PCDHGA1: variants seen among roughly 807,000 people sequenced by gnomAD.
PCDHGA1 encodes the protein protocadherin gamma subfamily A, 1, also known as protocadherin gamma-A1.
PCDHGA1 carries 32 observed loss-of-function variants against 58.0 expected under a neutral mutation model. The ratio of observed to expected loss-of-function variants is 0.55; its 90% confidence interval spans 0.42 to 0.74. The LOEUF (loss-of-function observed/expected upper bound fraction) is 0.74. PCDHGA1 is among the 30% of genes least tolerant of loss of function. The pLI is 0.00. For synonymous variants in PCDHGA1, 498 were observed against 501.1 expected, an observed-to-expected ratio of 0.99 and a Z score of 0.08; for missense variants, 1,205 against 1,182.3, an observed-to-expected ratio of 1.02 and a Z score of -0.28.
In PCDHGA1 at chr5:141,356,293, GT is replaced by G. The variant is rs372920279; in HGVS notation, c.2421+23189del. ...CCAGGAATCTTCTTCCCCGGGTACAGTAATTGCACTTTTCAACGTGCATGAC... is the reference window on the plus strand; with the variant it reads ...CCAGGAATCTTCTTCCCCGGGTACAGAATTGCACTTTTCAACGTGCATGAC... On this transcript the variant is annotated intron_variant, in intron 1 of 3. Transcript: ENST00000517417. The G allele has an allele frequency of 3.3e-4, 508 of 1,555,440 alleles. 4 individuals carry two copies. The East Asian group carries it at 0.011, about 35-fold the overall frequency.
In PCDHGA1 at chr5:141,485,186, G is replaced by T; in HGVS notation, c.2422-9621G>T. ...GCGGGCGGCAGCAATGCTCCGCAAG[G>T]TGAGAAGCTGGACAGAAATCTGGCG... On this transcript the variant is annotated intron_variant, in intron 1 of 3. Coordinates refer to ENST00000517417, the MANE Select transcript of PCDHGA1 (RefSeq NM_018912.3). This position sits in a 1 kb window ranked among gnomAD's most constrained non-coding sequence, Gnocchi z 5.7. 1 of 1,613,706 alleles carries T rather than the reference G, an allele frequency of 6.2e-7. No individual in the cohort carries two copies. The highest frequency in any genetic ancestry group is 8.5e-7 in the Non-Finnish European group (1 of 1,179,644).
At chr5:141,396,934 G>A (rs1037377516) in intron 1 of PCDHGA1, among the ~76,000 whole-genome samples, 2 of 152,186 alleles carry the variant, frequency 1.3e-5, no homozygotes. Flanking sequence ...GATGAAAGTT[G>A]CCCTGGTAGG....
intron 1 of PCDHGA1, among the ~76,000 whole-genome samples, chr5:141,460,801 ATATGTATG>A (rs2098998171): frequency 6.6e-6 from 1 of 152,010 alleles, no homozygotes; most frequent in Non-Finnish European, 1.5e-5. Context: ...CAAAGTATAT[ATATGTATG>A]TATACATATA....
At chr5:141,356,117 G>A (rs1012623543) in intron 1 of PCDHGA1, 2 of 1,613,752 alleles carry the variant, frequency 1.2e-6, no homozygotes, top group Non-Finnish European at 1.7e-6. Flanking sequence ...ATATTGGGGG[G>A]TCTAGATTAT....
At chr5:141,371,868 G>C (rs755178809) in intron 1 of PCDHGA1, 2 of 1,613,510 alleles carry the variant, frequency 1.2e-6, no homozygotes, top group Non-Finnish European at 8.5e-7. Flanking sequence ...CTACTACATC[G>C]TGGCCAGTGA....
chr5:141,345,215 A>G (rs575059814), intron 1 of PCDHGA1: 2 of 1,614,020 alleles, frequency 1.2e-6, no homozygotes, highest in East Asian at 4.5e-5. Flanking sequence ...CATTTAAGTT[A>G]GAAAAATCAA....
At chr5:141,503,363 G>A (rs2099819478) in intron 2 of PCDHGA1, among the ~76,000 whole-genome samples, 2 of 152,132 alleles carry the variant, frequency 1.3e-5, no homozygotes, top group East Asian at 1.9e-4. Context: ...TTGGGAAGCG[G>A]AGGCAGGTGG....
In PCDHGA1 at chr5:141,490,823, A is replaced by T. The variant is rs1340589166; in HGVS notation, c.2422-3984A>T. ...CGTACCTTTGACTATGAATTGCTGC[A>T]GATGCTGCAGATTGTGGTGGGGGTT... On this transcript the variant is annotated intron_variant, in intron 1 of 3. Transcript: ENST00000517417. This position sits in a 1 kb window ranked among gnomAD's most constrained non-coding sequence, Gnocchi z 5.4. 13 of 1,613,928 alleles carry T rather than the reference A, an allele frequency of 8.1e-6. No individual in the cohort carries two copies. Among genetic ancestry groups the T allele is most frequent in the Non-Finnish European group, 9.3e-6 (11 of 1,179,864 alleles).
intron 1 of PCDHGA1, chr5:141,410,478 C>G (rs767257836): frequency 6.2e-7 from 1 of 1,613,992 alleles, no homozygotes; most frequent in Non-Finnish European, 8.5e-7. Context: ...ATTGCACATA[C>G]GGGTACAAAA....
chr5:141,417,627 G>C, intron 1 of PCDHGA1: 1 of 694,264 alleles, frequency 1.4e-6, no homozygotes, highest in Non-Finnish European at 2.3e-6. Flanking sequence ...AGCAAGCGCT[G>C]ACGCCGGGGA....
chr5:141,357,627 T>A, intron 1 of PCDHGA1: 1 of 1,613,408 alleles, frequency 6.2e-7, no homozygotes, highest in South Asian at 1.1e-5. Flanking sequence ...TTCAGGTGAG[T>A]CAATCTTATA....
Position 141,432,195 on chromosome 5 carries a change from C to A in PCDHGA1, c.2422-62612C>A, listed in dbSNP as rs1334965321. ...CTCGTCTCTGTGACCGCCCACGACC[C>A]CGACTGTGAAGAGAACGCCCAGATC... On this transcript the variant is annotated intron_variant, in intron 1 of 3. Transcript: ENST00000517417. This position sits in a 1 kb window ranked among gnomAD's most constrained non-coding sequence, Gnocchi z 6.0. 22 of 1,614,088 alleles carry A rather than the reference C, an allele frequency of 1.4e-5. No homozygotes were observed. The highest frequency in any genetic ancestry group is 1.9e-5 in the Non-Finnish European group (22 of 1,180,058).
chr5:141,398,505 T>A (rs1561664724), intron 1 of PCDHGA1: 7 of 1,598,768 alleles, frequency 4.4e-6, no homozygotes, highest in Non-Finnish European at 6.0e-6. Context: ...TCGAGGACAT[T>A]AATGACCACA....
intron 1 of PCDHGA1, among the ~76,000 whole-genome samples, chr5:141,459,312 G>A (rs968359414): frequency 6.6e-6 from 1 of 152,084 alleles, no homozygotes; most frequent in African/African-American, 2.4e-5. Flanking sequence ...ATACTATTTT[G>A]TATCCATCTT....
intron 1 of PCDHGA1, chr5:141,415,435 C>A: frequency 1.2e-6 from 2 of 1,614,202 alleles, no homozygotes; most frequent in Non-Finnish European, 8.5e-7. Context: ...TCGGGCTTTC[C>A]TGCAGACCTA....
chr5:141,375,376 T>C (rs369693089), intron 1 of PCDHGA1: 1 of 1,613,930 alleles, frequency 6.2e-7, no homozygotes, highest in Non-Finnish European at 8.5e-7. Flanking sequence ...GAACACCACC[T>C]CTGTCTACAG....
At chr5:141,455,058 C>G (rs1350223657) in intron 1 of PCDHGA1, among the ~76,000 whole-genome samples, 9 of 151,814 alleles carry the variant, frequency 5.9e-5, no homozygotes, top group Admixed American at 5.9e-4. Context: ...GTGATCCGCC[C>G]GCCTCGGCCT....
chr5:141,429,387 TAA>T (rs11410533), intron 1 of PCDHGA1, among the ~76,000 whole-genome samples: 155 of 151,446 alleles, frequency 1.0e-3, no homozygotes, highest in African/African-American at 3.5e-3. Flanking sequence ...GTTTTTTTTT[TAA>T]AAAAAATTGA....
At chr5:141,428,099 C>G (rs1304120001) in intron 1 of PCDHGA1, 4 of 1,608,710 alleles carry the variant, frequency 2.5e-6, no homozygotes, top group Non-Finnish European at 2.5e-6. Flanking sequence ...TGTCCTACCA[C>G]GTGCTGCAGG....
Sources: allele counts gnomAD v4.1 joint callset (sites outside exome capture counted in the v4.1 genomes callset), GRCh38; gene constraint gnomAD v4.1.1; non-coding constraint Gnocchi (gnomAD v3.1); transcripts MANE v1.5; gene names NCBI Gene and HGNC (gene_info 2026-07-23, HGNC 2026-07-21).